Variants in CREB5 observed in about 807,000 individuals in gnomAD.
The protein encoded by CREB5 is cyclic AMP-responsive element-binding protein 5.
In CREB5, 19 loss-of-function variants were observed where a neutral mutation model predicts 57.1. The ratio of observed to expected loss-of-function variants is 0.33; its 90% confidence interval spans 0.23 to 0.49. The LOEUF (loss-of-function observed/expected upper bound fraction) is 0.49. CREB5 is among the 20% of genes least tolerant of loss of function. The pLI is 0.99. For missense variants in CREB5, 579 were observed against 671.6 expected (o/e 0.86, Z 1.52); for synonymous variants, 238 against 238.3 (o/e 1.00, Z 0.01).
At chr7:28,543,165 G>C (rs1794272839) in intron 4 of CREB5, among the ~76,000 whole-genome samples, 2 of 152,032 alleles carry the variant, frequency 1.3e-5, no homozygotes, top group Admixed American at 1.3e-4. Context: ...AATGTCTGTT[G>C]GCCATTTTTT....
At chr7:28,818,967 T>TCAACTTTATTTTCAGAA (rs1809600038) in intron 10 of CREB5, 149 bp from the exon 11 acceptor site, 3 of 934,598 alleles carry the variant, frequency 3.2e-6, no homozygotes, top group Admixed American at 2.8e-5. Flanking sequence ...AATAAAGTTT[T>TCAACTTTATTTTCAGAA]GAAATTAACT....
chr7:28,331,027 G>A (rs1413055495), intron 1 of CREB5, among the ~76,000 whole-genome samples: 1 of 152,114 alleles, frequency 6.6e-6, no homozygotes, highest in Non-Finnish European at 1.5e-5. Context: ...AGCTGTATCA[G>A]TTACAATGCT....
intron 7 of CREB5, among the ~76,000 whole-genome samples, chr7:28,777,516 A>G (rs1806729447): frequency 6.6e-6 from 1 of 152,220 alleles, no homozygotes; most frequent in African/African-American, 2.4e-5. Flanking sequence ...AGCCTTGTAT[A>G]ACTACATTCC....
At chr7:28,753,855 A>C (rs1219066373) in intron 7 of CREB5, among the ~76,000 whole-genome samples, 1 of 152,164 alleles carries the variant, frequency 6.6e-6, no homozygotes, top group Non-Finnish European at 1.5e-5. Context: ...AATACATAGG[A>C]TGTAAGGACT....
chr7:28,560,897 C>CGTGCGTGTGCGTGCGTGCGTGTGT lies in CREB5; in HGVS notation c.292-9463_292-9462insTGTGCGTGCGTGCGTGTGTGTGCG. 1.3e-4 allele frequency among the ~76,000 whole-genome samples: 3 copies of CGTGCGTGTGCGTGCGTGCGTGTGT among 22,550 alleles called. 1 individual carries two copies. Among genetic ancestry groups the CGTGCGTGTGCGTGCGTGCGTGTGT allele is most frequent in the Admixed American group, 1.0e-3 (2 of 2,002 alleles). The allele number at this position is 22,550 out of a possible 152,430, so 14.8% of individuals were successfully genotyped here. ...GCGCGTGCGTGCGTGCGTGTGTGTG[C>CGTGCGTGTGCGTGCGTGCGTGTGT]GTGCGCGCGTGCGTGTGCGTGTGTG... is the stretch of plus-strand genomic sequence containing the variant. On this transcript the variant is annotated intron_variant, in intron 4 of 10. Transcript: ENST00000357727.
chr7:28,748,180 A>G (rs1804785628), intron 7 of CREB5, among the ~76,000 whole-genome samples: 1 of 152,224 alleles, frequency 6.6e-6, no homozygotes, highest in African/African-American at 2.4e-5. Context: ...GCTCATGTGT[A>G]GTGTTTTGCT....
chr7:28,433,730 G>A (rs898694071), intron 1 of CREB5, among the ~76,000 whole-genome samples: 4 of 151,958 alleles, frequency 2.6e-5, no homozygotes, highest in African/African-American at 9.7e-5. Flanking sequence ...AGTGTAAAAA[G>A]GGTTTAAAAA....
chr7:28,332,745 C>T (rs536870759), intron 1 of CREB5, among the ~76,000 whole-genome samples: 72 of 152,196 alleles, frequency 4.7e-4, no homozygotes, highest in African/African-American at 1.7e-3. Flanking sequence ...CTGCTTTTTT[C>T]CCTCACTAAC....
intron 9 of CREB5, among the ~76,000 whole-genome samples, chr7:28,810,228 G>GA (rs970396652): frequency 7.3e-4 from 102 of 139,602 alleles, no homozygotes; most frequent in Middle Eastern, 3.7e-3. Flanking sequence ...TTTATCAGCA[G>GA]AAAAAAAAAA....
chr7:28,546,917 G>A (rs1439568075), intron 4 of CREB5, among the ~76,000 whole-genome samples: 1 of 152,152 alleles, frequency 6.6e-6, no homozygotes, highest in African/African-American at 2.4e-5. Flanking sequence ...AAAAAATAGG[G>A]GTGTATTGGG....
At chr7:28,710,800 T>G (rs1282850458) in intron 5 of CREB5, among the ~76,000 whole-genome samples, 1 of 152,188 alleles carries the variant, frequency 6.6e-6, no homozygotes, top group Non-Finnish European at 1.5e-5. Flanking sequence ...AATGAGAGCG[T>G]GCACCAAGCC....
chr7:28,326,825 A>G (rs1245659590), intron 1 of CREB5, among the ~76,000 whole-genome samples: 1 of 152,244 alleles, frequency 6.6e-6, no homozygotes, highest in African/African-American at 2.4e-5. Flanking sequence ...TATCCTAGGT[A>G]GACGTAGGTG....
intron 8 of CREB5, among the ~76,000 whole-genome samples, chr7:28,808,089 A>G (rs1562655126): frequency 6.6e-6 from 1 of 152,110 alleles, no homozygotes; most frequent in Non-Finnish European, 1.5e-5. Context: ...TGCACAAGCA[A>G]CTCTCACTAT....
chr7:28,662,328 A>G (rs1238565173), intron 5 of CREB5, among the ~76,000 whole-genome samples: 3 of 152,340 alleles, frequency 2.0e-5, no homozygotes, highest in Non-Finnish European at 2.9e-5. Flanking sequence ...TCAAGTACCT[A>G]AAAAGATCTA....
At position 28,810,369 on chromosome 7, in the gene CREB5, A is replaced by C. The variant is rs1056150788; in HGVS notation, c.1254+955A>C. Reference sequence around the variant, plus strand: ...TGGGGCAGGGAGGAAATTACCCTACATAGTGAGACTGCATTTTAAGAGTTC... The same window carrying C: ...TGGGGCAGGGAGGAAATTACCCTACCTAGTGAGACTGCATTTTAAGAGTTC... On this transcript the variant is annotated intron_variant, in intron 9 of 10. Transcript: ENST00000357727. Among the ~76,000 whole-genome samples the C allele has an allele frequency of 2.0e-5, 3 of 152,136 alleles. No individual in the cohort carries two copies. In the East Asian group the frequency reaches 5.8e-4, roughly 29 times the overall value.
chr7:28,760,531 T>C (rs534179434), intron 7 of CREB5, among the ~76,000 whole-genome samples: 1 of 152,208 alleles, frequency 6.6e-6, no homozygotes, highest in East Asian at 1.9e-4. Flanking sequence ...CCATAACTCA[T>C]GTAGGGCATA....
rs1794634754 is a variant in CREB5 at position 28,551,353 on chromosome 7, G to T, written c.292-19012G>T. 2.6e-5 allele frequency among the ~76,000 whole-genome samples: 4 copies of T among 152,102 alleles called. No homozygotes were observed. In the South Asian group the frequency reaches 8.3e-4, roughly 32 times the overall value. On this transcript the variant is annotated intron_variant, in intron 4 of 10. Coordinates refer to ENST00000357727, the MANE Select transcript of CREB5 (RefSeq NM_182898.4). ...CAGAATAGTTCGTGTTTCAGATTTT[G>T]CAAGTCCCCAAGCTTCCTTCCCCTT...
intron 1 of CREB5, among the ~76,000 whole-genome samples, chr7:28,392,303 C>A (rs1371203918): frequency 6.6e-6 from 1 of 152,132 alleles, no homozygotes; most frequent in South Asian, 2.1e-4. Context: ...AGAAAAATTT[C>A]TTTAAAAAAG....
At chr7:28,318,544 A>C (rs2127983350) in intron 1 of CREB5, among the ~76,000 whole-genome samples, 1 of 152,356 alleles carries the variant, frequency 6.6e-6, no homozygotes, top group Non-Finnish European at 1.5e-5. Context: ...CATATTTCCA[A>C]CATCACTGAT....
Sources: allele counts gnomAD v4.1 joint callset (sites outside exome capture counted in the v4.1 genomes callset), GRCh38; gene constraint gnomAD v4.1.1; transcripts MANE v1.5; gene names NCBI Gene and HGNC (gene_info 2026-07-23, HGNC 2026-07-21).